Variants in SRPK1 observed in about 807,000 individuals in gnomAD.
The protein encoded by SRPK1 is SRSF protein kinase 1.
SRPK1 carries 52 observed loss-of-function variants against 89.5 expected under a neutral mutation model. That is an observed-to-expected ratio of 0.58 (90% CI 0.46 to 0.73). SRPK1 has a LOEUF of 0.73. Among genes scored for constraint, SRPK1 ranks in the 30% least tolerant of loss-of-function variants. The pLI, the probability that SRPK1 is intolerant of heterozygous loss-of-function variation, is 0.00. For synonymous variants in SRPK1, 255 were observed against 270.2 expected (o/e 0.94, Z 0.55); for missense variants, 603 against 780.6 (o/e 0.77, Z 2.71).
At chr6:35,854,576 T>C (rs1273183013) in intron 13 of SRPK1, among the ~76,000 whole-genome samples, 1 of 152,196 alleles carries the variant, frequency 6.6e-6, no homozygotes, top group Non-Finnish European at 1.5e-5. Context: ...AATTCTGACA[T>C]GTGAGTGGGT....
At chr6:35,900,406 G>C (rs1215570630) in intron 2 of SRPK1, among the ~76,000 whole-genome samples, 1 of 152,218 alleles carries the variant, frequency 6.6e-6, no homozygotes, top group Non-Finnish European at 1.5e-5. Flanking sequence ...TAGTTTTACT[G>C]AGTGTCTGTA....
chr6:35,873,903 C>T (rs544673014), intron 7 of SRPK1, among the ~76,000 whole-genome samples: 3 of 151,538 alleles, frequency 2.0e-5, no homozygotes, highest in Admixed American at 6.6e-5. Flanking sequence ...CTCGGCTCAC[C>T]GCAAGCTCCG....
At chr6:35,852,707 T>A (rs1031329737) in intron 13 of SRPK1, among the ~76,000 whole-genome samples, 1 of 152,186 alleles carries the variant, frequency 6.6e-6, no homozygotes, top group African/African-American at 2.4e-5. Context: ...TGGGTCAAAT[T>A]ACTACACTTT....
intron 2 of SRPK1, among the ~76,000 whole-genome samples, chr6:35,916,246 T>TAAATA (rs1554158253): frequency 0.19 from 24,935 of 130,448 alleles, 2,403 homozygotes; most frequent in South Asian, 0.31. Flanking sequence ...ATAAATAAAT[T>TAAATA]AATTAATTAA....
chr6:35,857,255 C>T lies in SRPK1; in HGVS notation c.1620+6G>A, dbSNP rs55707453. 2.1e-3 allele frequency: 3,323 copies of T among 1,605,650 alleles called. 72 individuals are homozygous for T. The South Asian group carries it at 0.024, about 12-fold the overall frequency. ...ACAAGTGAAAGCCAAGGGGAAAAAA[C>T]ATTACCATGCATGCCGTGCTCCAAA... On this transcript the variant is annotated splice_donor_region_variant and intron_variant, in intron 13 of 15. Transcript: ENST00000373825.
At chr6:35,842,841 T>A (rs1341062058) in intron 13 of SRPK1, among the ~76,000 whole-genome samples, 1 of 152,216 alleles carries the variant, frequency 6.6e-6, no homozygotes, top group Middle Eastern at 3.4e-3. Flanking sequence ...ATGTGGGTTA[T>A]TTCATGCCCA....
At chr6:35,853,648 G>A (rs1042727492) in intron 13 of SRPK1, among the ~76,000 whole-genome samples, 7 of 152,202 alleles carry the variant, frequency 4.6e-5, no homozygotes, top group Admixed American at 1.3e-4. Context: ...CCTCTCACAA[G>A]TGCCAGTGGG....
At chr6:35,857,046 G>T in intron 13 of SRPK1, 1 of 449,740 alleles carries the variant, frequency 2.2e-6, no homozygotes, top group Non-Finnish European at 3.9e-6. Flanking sequence ...GAAACTTTTG[G>T]TTCCTTCACC....
chr6:35,850,061 A>C (rs1332603743), intron 13 of SRPK1, among the ~76,000 whole-genome samples: 1 of 152,166 alleles, frequency 6.6e-6, no homozygotes, highest in Non-Finnish European at 1.5e-5. Context: ...CTGGGGGGTG[A>C]AGATAATCGG....
intron 15 of SRPK1, among the ~76,000 whole-genome samples, chr6:35,836,709 C>A (rs1024306126): frequency 6.6e-6 from 1 of 151,402 alleles, no homozygotes; most frequent in African/African-American, 2.4e-5. Context: ...GAGCCAAGAT[C>A]GTGCCACTGT....
At chr6:35,915,997 T>TATACACAC (rs1284737691) in intron 2 of SRPK1, among the ~76,000 whole-genome samples, 59 of 90,202 alleles carry the variant, frequency 6.5e-4, no homozygotes, top group Middle Eastern at 5.4e-3. Context: ...AAAAAATATA[T>TATACACAC]ACACACACAC....
At chr6:35,896,993 A>G (rs1452133981) in intron 2 of SRPK1, among the ~76,000 whole-genome samples, 1 of 152,230 alleles carries the variant, frequency 6.6e-6, no homozygotes, top group East Asian at 1.9e-4. Context: ...ATTTACATGA[A>G]ATGTCCAGAA....
rs1769664201 is a variant in SRPK1, at chr6:35,856,262, G to A, written c.1620+999C>T. 1.3e-5 allele frequency among the ~76,000 whole-genome samples: 2 copies of A among 152,148 alleles called. 1 individual carries two copies. The highest frequency in any genetic ancestry group is 4.1e-4 in the South Asian group (2 of 4,830). On this transcript the variant is annotated intron_variant, in intron 13 of 15. Coordinates refer to ENST00000373825, the MANE Select transcript of SRPK1 (RefSeq NM_003137.5). The stretch of plus-strand genomic sequence containing the variant: ...GGTGACACACATCAATGTGCCAGGA[G>A]GGTGAAAGTCCTGAGGACACAGAAG...
Position 35,874,226 on chromosome 6 carries a change from T to C in SRPK1, c.585+7A>G. The C allele has an allele frequency of 6.3e-7, 1 of 1,590,252 alleles. No individual in the cohort carries two copies. The highest frequency in any genetic ancestry group is 1.1e-5 in the South Asian group (1 of 89,160). On this transcript the variant is annotated splice_region_variant and intron_variant, in intron 7 of 15. Transcript: ENST00000373825. ...GACTAAGATACTTGCTGATTCAAGA[T>C]ACATACTTGCTGAATAATTTTTTTG... is the stretch of plus-strand genomic sequence containing the variant.
chr6:35,872,789 G>A, intron 7 of SRPK1, 61 bp from the exon 8 acceptor site: 3 of 1,368,848 alleles, frequency 2.2e-6, no homozygotes, highest in Admixed American at 3.0e-5. Flanking sequence ...GGAGAAGTAA[G>A]AGATTATAAC....
chr6:35,880,420 CAGA>C (rs879906036), intron 6 of SRPK1, among the ~76,000 whole-genome samples: 2 of 151,730 alleles, frequency 1.3e-5, no homozygotes, highest in Admixed American at 6.6e-5. Context: ...GTGGCAGTCC[CAGA>C]AGAAGAATAG....
At chr6:35,894,405 A>G (rs1055216161) in intron 2 of SRPK1, among the ~76,000 whole-genome samples, 5 of 152,180 alleles carry the variant, frequency 3.3e-5, no homozygotes, top group Admixed American at 3.3e-4. Context: ...TTATCCCGTA[A>G]TATCTCTACT....
At chr6:35,911,677 C>T (rs1238598632) in intron 2 of SRPK1, among the ~76,000 whole-genome samples, 2 of 151,970 alleles carry the variant, frequency 1.3e-5, no homozygotes, top group Non-Finnish European at 2.9e-5. Flanking sequence ...GCAATCCTCC[C>T]ATCTCGGCCT....
intron 2 of SRPK1, among the ~76,000 whole-genome samples, chr6:35,918,777 T>G (rs571536238): frequency 1.2e-4 from 18 of 152,328 alleles, no homozygotes; most frequent in African/African-American, 4.1e-4. Flanking sequence ...CATCTGACTT[T>G]AGAAATAAAG....
Sources: allele counts gnomAD v4.1 joint callset (sites outside exome capture counted in the v4.1 genomes callset), GRCh38; gene constraint gnomAD v4.1.1; transcripts MANE v1.5; gene names NCBI Gene and HGNC (gene_info 2026-07-23, HGNC 2026-07-21).